The following ELOA2 variants were observed in gnomAD, a reference collection of about 807,000 sequenced individuals.
The protein encoded by ELOA2 is elongin-A2.
For synonymous variants in ELOA2, 497 were observed against 398.8 expected (o/e 1.25, Z -2.94); for missense variants, 1,271 against 979.7 (o/e 1.30, Z -3.97).
At position 47,033,749 on chromosome 18, in the gene ELOA2, G is replaced by A. The variant is rs533499836; in HGVS notation, c.1516C>T (p.Arg506Cys). 11 of 1,614,092 alleles carry A rather than the reference G, an allele frequency of 6.8e-6. No individual in the cohort carries two copies. The Middle Eastern group carries it at 6.6e-4, about 96-fold the overall frequency. ...KFREEAAFPG[R>C]RVNAKMPVYS... is the part of the protein sequence containing the mutation. ...ACCGGCATCTTAGCATTCACTCTGC[G>A]TCCAGGGAAAGCAGCTTCCTCCCGG... Residue 506 changes from arginine to cysteine, a missense_variant, in exon 1 of 1, where the codon CGC (arginine) becomes TGC (cysteine). Coordinates refer to ENST00000332567, the MANE Select transcript of ELOA2 (RefSeq NM_016427.3).
rs1196066458 is a variant in ELOA2, at chr18:47,033,635, G to A, written c.1630C>T (p.Leu544Phe). Residue 544 changes from leucine to phenylalanine, a missense_variant, in exon 1 of 1, where the codon CTC becomes TTC. By Grantham distance (22) the Leu-to-Phe change is conservative. Coordinates refer to ENST00000332567, the MANE Select transcript of ELOA2 (RefSeq NM_016427.3). ...TAGGGGACCTCTCCCACGTCGCTGAGGGCGTCCGGATTGTTTCTAAGCACC... is the reference window on the plus strand; with the variant it reads ...TAGGGGACCTCTCCCACGTCGCTGAAGGCGTCCGGATTGTTTCTAAGCACC... ...AQVLRNNPDALSDVGEVPYWV... is the reference protein window; with the variant it reads ...AQVLRNNPDAFSDVGEVPYWV... 1 of 1,614,096 alleles carries A rather than the reference G, an allele frequency of 6.2e-7. No homozygotes were observed. Among genetic ancestry groups the A allele is most frequent in the Non-Finnish European group, 8.5e-7 (1 of 1,180,050 alleles).
chr18:47,035,391 A>C lies in ELOA2; in HGVS notation c.-127T>G, dbSNP rs2060723973. On this transcript the variant is annotated 5_prime_UTR_variant, in exon 1 of 1. Transcript: ENST00000332567. Reference sequence around the variant, plus strand: ...GCCAGGCAGCGACCTCGGGATGTGGAGTCACAGCCTGGAGCGAGCTGGGTC... The same window carrying C: ...GCCAGGCAGCGACCTCGGGATGTGGCGTCACAGCCTGGAGCGAGCTGGGTC... The C allele has an allele frequency of 6.6e-7, 1 of 1,525,766 alleles. No individual in the cohort carries two copies. Among genetic ancestry groups the C allele is most frequent in the Admixed American group, 2.1e-5 (1 of 47,718 alleles). 94.5% of individuals were successfully genotyped at this position (1,525,766 alleles called of 1,614,324 possible).
At chr18:47,034,370 C>A in the ELOA2 span, 10 of 1,613,944 alleles carry the variant, frequency 6.2e-6, no homozygotes, top group African/African-American at 8.0e-5. Context: ...TCTGGAGCCT[C>A]CTCCAAGGCA....
chr18:47,034,238 C>G lies in ELOA2; in HGVS notation c.1027G>C (p.Asp343His), dbSNP rs762344517. Residue 343 changes from aspartate (D) to histidine (H), a missense_variant, in exon 1 of 1, where the codon GAC becomes CAC. By Grantham distance (81) the Asp-to-His change is moderately conservative. Coordinates refer to ENST00000332567, the MANE Select transcript of ELOA2 (RefSeq NM_016427.3). ...SPEEKEQLSNDRETQEGKPPT... is the reference protein window; with the variant it reads ...SPEEKEQLSNHRETQEGKPPT... ...GGCTTCCCCTCTTGAGTCTCTCGGT[C>G]GTTGGAAAGCTGCTCTTTCTCCTCG... 9.9e-6 allele frequency: 16 copies of G among 1,613,788 alleles called. No homozygotes were observed. In the Middle Eastern group the frequency reaches 4.9e-4, roughly 50 times the overall value.
At position 47,035,528 on chromosome 18, in the gene ELOA2, T is replaced by C. The variant is rs912255275; in HGVS notation, c.-264A>G. Reference sequence around the variant, plus strand: ...ACAGCCTGGAGTGACCTCTGCAGTTTGCTGTGCAACAAAGAATGAAGCTCT... The same window carrying C: ...ACAGCCTGGAGTGACCTCTGCAGTTCGCTGTGCAACAAAGAATGAAGCTCT... On this transcript the variant is annotated 5_prime_UTR_variant, in exon 1 of 1. Transcript: ENST00000332567. 7 of 695,394 alleles carry C rather than the reference T, an allele frequency of 1.0e-5. No individual in the cohort carries two copies. The African/African-American group carries it at 1.3e-4, about 13-fold the overall frequency. The allele number at this position is 695,394 out of a possible 1,614,324, so 43.1% of individuals were successfully genotyped here.
In ELOA2 at chr18:47,034,150, A is replaced by G; in HGVS notation, c.1115T>C (p.Met372Thr). The G allele has an allele frequency of 6.2e-7, 1 of 1,614,204 alleles. No individual in the cohort carries two copies. The highest frequency in any genetic ancestry group is 8.5e-7 in the Non-Finnish European group (1 of 1,180,050). ...SSLSEVEEVD[M>T]AEEFEQPTLS... ...AGTGGGCTGCTCGAATTCCTCAGCC[A>G]TATCTACCTCCTCCACCTCAGAGAG... Residue 372 changes from methionine to threonine, a missense_variant, in exon 1 of 1, where the codon ATG (methionine) becomes ACG (threonine). Physicochemically the swap from Met to Thr is moderately conservative, Grantham distance 81. Transcript: ENST00000332567.
Position 47,034,671 on chromosome 18 carries a change from A to T in ELOA2, c.594T>A (p.Thr198=). 1 of 1,613,452 alleles carries T rather than the reference A, an allele frequency of 6.2e-7. No homozygotes were observed. Among genetic ancestry groups the T allele is most frequent in the Non-Finnish European group, 8.5e-7 (1 of 1,179,922 alleles). The part of the protein sequence containing the change: ...APGKQPGRGH[T]HAAQGGPLLC... ...GCAGAGGCCCGCCCTGAGCCGCGTG[A>T]GTGTGGCCTCTTCCGGGTTGCTTCC... The change falls in exon 1 of 1, where the codon ACT becomes ACA. Residue 198 remains threonine (T), a synonymous_variant. Coordinates refer to ENST00000332567, the MANE Select transcript of ELOA2 (RefSeq NM_016427.3).
At position 47,033,178 on chromosome 18, in the gene ELOA2, T is replaced by G; in HGVS notation, c.2087A>C (p.Asp696Ala). The change falls in exon 1 of 1, where the codon GAC becomes GCC. Residue 696 changes from aspartate (D) to alanine (A), a missense_variant. Coordinates refer to ENST00000332567, the MANE Select transcript of ELOA2 (RefSeq NM_016427.3). Reference protein sequence around the residue: ...SSQSSSGGGRDSSSSILRWLP... With the variant: ...SSQSSSGGGRASSSSILRWLP... The stretch of plus-strand genomic sequence containing the variant: ...CCAGCGAAGGATGCTGCTGCTGCTG[T>G]CTCTGCCACCGCCGCTGCTGCTCTG... 1.2e-6 allele frequency: 2 copies of G among 1,614,056 alleles called. No homozygotes were observed. The highest frequency in any genetic ancestry group is 1.7e-6 in the Non-Finnish European group (2 of 1,179,986).
rs142263566 is a variant in ELOA2 at position 47,034,765 on chromosome 18, C to T, written c.500G>A (p.Arg167His). The change falls in exon 1 of 1, where the codon CGC becomes CAC. Residue 167 changes from arginine (R) to histidine (H), a missense_variant. By Grantham distance (29) the Arg-to-His change is conservative. Transcript: ENST00000332567. ...CPRIAPADSGRYRASPTRTAP... is the reference protein window; with the variant it reads ...CPRIAPADSGHYRASPTRTAP... ...TGTGCGCGTTGGAGAGGCCCGATAG[C>T]GGCCGGAATCAGCTGGGGCTATTCT... The T allele has an allele frequency of 1.2e-5, 19 of 1,611,150 alleles. No homozygotes were observed. The African/African-American group carries it at 1.7e-4, about 15-fold the overall frequency.
Position 47,034,137 on chromosome 18 carries a change from G to T in ELOA2, c.1128C>A (p.Phe376Leu), listed in dbSNP as rs1434650735. The T allele has an allele frequency of 6.2e-7, 1 of 1,614,036 alleles. No homozygotes were observed. Among genetic ancestry groups the T allele is most frequent in the African/African-American group, 1.3e-5 (1 of 74,932 alleles). ...EVEEVDMAEE[F>L]EQPTLSCEKY... ...TTTCACATGACAGAGTGGGCTGCTC[G>T]AATTCCTCAGCCATATCTACCTCCT... Residue 376 changes from phenylalanine (F) to leucine (L), a missense_variant, in exon 1 of 1, where the codon TTC (phenylalanine) becomes TTA (leucine). Phe to Leu is a conservative substitution (Grantham distance 22, BLOSUM62 0). Transcript: ENST00000332567.
rs1344715806 is a variant in ELOA2 at position 47,035,362 on chromosome 18, G to T, written c.-98C>A. On this transcript the variant is annotated 5_prime_UTR_variant, in exon 1 of 1. Transcript: ENST00000332567. ...CTGGGGTGGCCGGTCCTCGCTGCCC[G>T]GTCGCCAGGCAGCGACCTCGGGATG... 4 of 1,580,288 alleles carry T rather than the reference G, an allele frequency of 2.5e-6. No individual in the cohort carries two copies. The highest frequency in any genetic ancestry group is 3.4e-6 in the Non-Finnish European group (4 of 1,163,098).
rs779106552 is a variant in ELOA2, at chr18:47,034,353, G to C, written c.912C>G (p.His304Gln). ...AGTGACTGTGCTGAGGCCTCTTCTG[G>C]TGACTGTCTGGAGCCTCCTCCAAGG... ...VPALEEAPDS[H>Q]QKRPQHSHSN... The change falls in exon 1 of 1, where the codon CAC becomes CAG. Residue 304 changes from histidine to glutamine, a missense_variant. Transcript: ENST00000332567. 4.3e-6 allele frequency: 7 copies of C among 1,613,772 alleles called. No individual in the cohort carries two copies. Among genetic ancestry groups the C allele is most frequent in the East Asian group, 2.2e-5 (1 of 44,858 alleles).
Position 47,033,521 on chromosome 18 carries a change from C to T in ELOA2, c.1744G>A (p.Asp582Asn), listed in dbSNP as rs1205528349. ...AAACAATGATTCCTCCGTAATTCGT[C>T]TGTCTCTCTAACGAGTGCGTGATTG... ...KDNHALVRET[D>N]ELRRNHCFQD... The change falls in exon 1 of 1, where the codon GAC becomes AAC. Residue 582 changes from aspartate (D) to asparagine (N), a missense_variant. By Grantham distance (23) the Asp-to-Asn change is conservative. Transcript: ENST00000332567. 1.2e-6 allele frequency: 2 copies of T among 1,614,090 alleles called. No individual in the cohort carries two copies. Among genetic ancestry groups the T allele is most frequent in the Non-Finnish European group, 1.7e-6 (2 of 1,180,050 alleles).
chr18:47,034,806 A>G lies in ELOA2; in HGVS notation c.459T>C (p.Ala153=), dbSNP rs61743594. ...GGGCTATTCTGGGGCACTTTCTCTC[A>G]GCTCTGGGCTCGCGACTGTGAGACC... ...HPRSHSREPR[A]ERKCPRIAPA... Residue 153 remains alanine (A), a synonymous_variant, in exon 1 of 1, where the codon GCT becomes GCC. Coordinates refer to ENST00000332567, the MANE Select transcript of ELOA2 (RefSeq NM_016427.3). 23,975 of 1,611,472 alleles carry G rather than the reference A, an allele frequency of 0.015. 504 individuals carry two copies. Among genetic ancestry groups the G allele is most frequent in the Non-Finnish European group, 0.018 (20,992 of 1,179,062 alleles).
chr18:47,035,342 G>C lies in ELOA2; in HGVS notation c.-78C>G. ...GGGGCTGCGGGACAGGAAGTCTGGG[G>C]TGGCCGGTCCTCGCTGCCCGGTCGC... is the stretch of plus-strand genomic sequence containing the variant. On this transcript the variant is annotated 5_prime_UTR_variant, in exon 1 of 1. Transcript: ENST00000332567. The C allele has an allele frequency of 6.2e-7, 1 of 1,603,240 alleles. No individual in the cohort carries two copies.
Position 47,033,632 on chromosome 18 carries a change from T to G in ELOA2, c.1633A>C (p.Ser545Arg), listed in dbSNP as rs771988164. 6.2e-7 allele frequency: 1 copy of G among 1,614,156 alleles called. No homozygotes were observed. Among genetic ancestry groups the G allele is most frequent in the South Asian group, 1.1e-5 (1 of 91,074 alleles). Residue 545 changes from serine to arginine, a missense_variant, in exon 1 of 1, where the codon AGC (serine) becomes CGC (arginine). By Grantham distance (110) the Ser-to-Arg change is moderately radical (BLOSUM62 -1). Coordinates refer to ENST00000332567, the MANE Select transcript of ELOA2 (RefSeq NM_016427.3). ...QVLRNNPDAL[S>R]DVGEVPYWVL... ...CAGTAGGGGACCTCTCCCACGTCGCTGAGGGCGTCCGGATTGTTTCTAAGC... is the reference window on the plus strand; with the variant it reads ...CAGTAGGGGACCTCTCCCACGTCGCGGAGGGCGTCCGGATTGTTTCTAAGC...
Position 47,034,573 on chromosome 18 carries a change from C to T in ELOA2, c.692G>A (p.Arg231His). 1 of 1,614,186 alleles carries T rather than the reference C, an allele frequency of 6.2e-7. No individual in the cohort carries two copies. Among genetic ancestry groups the T allele is most frequent in the Non-Finnish European group, 8.5e-7 (1 of 1,180,014 alleles). Reference sequence around the variant, plus strand: ...GGCACACAAGGGGCGTTTTTCCTGGCGAGACGATTTGTGCCCCTTGCTGTG... The same window carrying T: ...GGCACACAAGGGGCGTTTTTCCTGGTGAGACGATTTGTGCCCCTTGCTGTG... ...VSHSKGHKSS[R>H]QEKRPLCAQG... Residue 231 changes from arginine to histidine, a missense_variant, in exon 1 of 1, where the codon CGC becomes CAC. Coordinates refer to ENST00000332567, the MANE Select transcript of ELOA2 (RefSeq NM_016427.3).
Position 47,034,455 on chromosome 18 carries a change from ACTTGCCCAGGAGGGCATC to A in ELOA2, c.792_809del (p.Arg264_Ala269del). Reference sequence around the variant, plus strand: ...AGTCCGAAGGCTGCCTGTCCCTGGCACTTGCCCAGGAGGGCATCCTTGGGGTTTCCTCTCTTAAGCAGG... The same window carrying A: ...AGTCCGAAGGCTGCCTGTCCCTGGCACTTGGGGTTTCCTCTCTTAAGCAGG... On this transcript the variant is annotated inframe_deletion, in exon 1 of 1. Transcript: ENST00000332567. The A allele has an allele frequency of 6.2e-7, 1 of 1,614,172 alleles. No individual in the cohort carries two copies. The highest frequency in any genetic ancestry group is 1.6e-4 in the Middle Eastern group (1 of 6,062).
At position 47,034,759 on chromosome 18, in the gene ELOA2, C is replaced by T. The variant is rs745676339; in HGVS notation, c.506G>A (p.Arg169Gln). The T allele has an allele frequency of 8.1e-6, 13 of 1,612,612 alleles. No homozygotes were observed. The Admixed American group carries it at 1.0e-4, about 12-fold the overall frequency. The part of the protein sequence containing the change: ...RIAPADSGRY[R>Q]ASPTRTAPLR... ...GGGAGCTGTGCGCGTTGGAGAGGCCCGATAGCGGCCGGAATCAGCTGGGGC... is the reference window on the plus strand; with the variant it reads ...GGGAGCTGTGCGCGTTGGAGAGGCCTGATAGCGGCCGGAATCAGCTGGGGC... The change falls in exon 1 of 1, where the codon CGG becomes CAG. Residue 169 changes from arginine to glutamine, a missense_variant. By Grantham distance (43) the Arg-to-Gln change is conservative. Transcript: ENST00000332567.
Sources: allele counts gnomAD v4.1 joint callset, GRCh38; gene constraint gnomAD v4.1.1; transcripts MANE v1.5; gene names NCBI Gene and HGNC (gene_info 2026-07-23, HGNC 2026-07-21).